IFNGR2: variants seen among roughly 807,000 people sequenced by gnomAD.
IFNGR2 encodes the protein IFN-gamma receptor 2.
IFNGR2 carries 15 observed loss-of-function variants against 41.1 expected under a neutral mutation model. The ratio of observed to expected loss-of-function variants is 0.37; its 90% CI spans 0.24 to 0.56. The LOEUF (loss-of-function observed/expected upper bound fraction) is 0.56, where lower values mean the gene tolerates loss of function less well. IFNGR2 is among the 20% of genes least tolerant of loss of function. IFNGR2 has a pLI of 0.81. For missense variants in IFNGR2, 362 were observed against 415.7 expected (o/e 0.87, Z 1.12); for synonymous variants, 161 against 171.6 (o/e 0.94, Z 0.48).
At chr21:33,414,816 T>G (rs2083742382) in intron 1 of IFNGR2, 72 bp from the exon 2 acceptor site, 1 of 1,490,580 alleles carries the variant, frequency 6.7e-7, no homozygotes. Context: ...TAATGGACAT[T>G]GAAACATTTT....
chr21:33,410,810 AC>A, intron 1 of IFNGR2: 1 of 1,470,612 alleles, frequency 6.8e-7, no homozygotes, highest in Non-Finnish European at 9.3e-7. Flanking sequence ...AAAATTCATA[AC>A]TCATAATCTA....
chr21:33,437,103 G>C lies in IFNGR2; in HGVS notation c.*141G>C, dbSNP rs1039416398. 1.9e-5 allele frequency: 14 copies of C among 737,506 alleles called. No homozygotes were observed. Among genetic ancestry groups the C allele is most frequent in the Non-Finnish European group, 3.2e-5 (14 of 437,530 alleles). 45.7% of individuals were successfully genotyped at this position (737,506 alleles called of 1,614,324 possible). A position where few individuals can be genotyped will look rare whatever the true frequency, so the allele number is the denominator to read the frequency against. On this transcript the variant is annotated 3_prime_UTR_variant, in exon 7 of 7. Transcript: ENST00000290219. ...CCTGTCCCTGCAGACATGAGAGACA[G>C]CAGGTCTCATGGGGGTGACAAGCTT...
intron 3 of IFNGR2, among the ~76,000 whole-genome samples, chr21:33,422,335 C>T (rs368204713): frequency 2.2e-4 from 34 of 152,210 alleles, no homozygotes; most frequent in Middle Eastern, 3.4e-3. Context: ...ATGTTTCTTC[C>T]GTGTCTGGTT....
rs121913220 is a variant in IFNGR2 at position 33,436,932 on chromosome 21, G to A, written c.984G>A (p.Lys328=). ...DSVSIISFPE[K]EQEDVLQTL Reference sequence around the variant, plus strand: ...TGTCCATTATCTCGTTTCCGGAAAAGGAGCAAGAAGATGTTCTCCAAACGC... The same window carrying A: ...TGTCCATTATCTCGTTTCCGGAAAAAGAGCAAGAAGATGTTCTCCAAACGC... Residue 328 remains lysine, a synonymous_variant, in exon 7 of 7, where the codon AAG becomes AAA. Coordinates refer to ENST00000290219, the MANE Select transcript of IFNGR2 (RefSeq NM_005534.4). 2.1e-4 allele frequency: 337 copies of A among 1,613,990 alleles called. No individual in the cohort carries two copies. The African/African-American group carries it at 4.3e-3, about 21-fold the overall frequency.
At chr21:33,419,695 G>A (rs1181584987) in intron 2 of IFNGR2, among the ~76,000 whole-genome samples, 9 of 152,168 alleles carry the variant, frequency 5.9e-5, no homozygotes, top group Admixed American at 5.2e-4. Context: ...TCATGACCTC[G>A]TACATGAATC....
At chr21:33,405,035 C>T (rs1430069917) in intron 1 of IFNGR2, among the ~76,000 whole-genome samples, 1 of 149,452 alleles carries the variant, frequency 6.7e-6, no homozygotes, top group African/African-American at 2.5e-5. Context: ...GGGAGAATCA[C>T]TTGAACCCGA....
At chr21:33,426,571 G>A (rs1179062529) in intron 3 of IFNGR2, among the ~76,000 whole-genome samples, 1 of 151,006 alleles carries the variant, frequency 6.6e-6, no homozygotes, top group Non-Finnish European at 1.5e-5. Context: ...ATAAAAATTA[G>A]CCAGGCATGG....
intron 1 of IFNGR2, among the ~76,000 whole-genome samples, chr21:33,410,166 AT>A (rs373991238): frequency 0.24 from 33,250 of 136,982 alleles, 3,733 homozygotes; most frequent in East Asian, 0.62. Context: ...AATTACAATA[AT>A]TTTTTTTTTT....
chr21:33,428,807 ACCGTGTTGCCATGCT>A (rs1167460302), intron 4 of IFNGR2, among the ~76,000 whole-genome samples: 1 of 152,148 alleles, frequency 6.6e-6, no homozygotes, highest in African/African-American at 2.4e-5. Context: ...ACTCGAGGGC[ACCGTGTTGCCATGCT>A]CCCTCCCCAA....
At chr21:33,410,940 C>A in intron 1 of IFNGR2, 1 of 1,209,314 alleles carries the variant, frequency 8.3e-7, no homozygotes, top group Non-Finnish European at 1.2e-6. Flanking sequence ...CTGCATCTCA[C>A]AACCACTGCT....
At chr21:33,412,747 G>A (rs1211424502) in intron 1 of IFNGR2, among the ~76,000 whole-genome samples, 2 of 152,134 alleles carry the variant, frequency 1.3e-5, no homozygotes, top group Non-Finnish European at 1.5e-5. Flanking sequence ...GTAGAGACAG[G>A]GTTTCACCAT....
intron 4 of IFNGR2, among the ~76,000 whole-genome samples, chr21:33,428,455 T>C (rs1225322954): frequency 6.6e-6 from 1 of 152,036 alleles, no homozygotes; most frequent in African/African-American, 2.4e-5. Context: ...CTCGAACTCC[T>C]GGTCTCAAGC....
intron 2 of IFNGR2, among the ~76,000 whole-genome samples, chr21:33,416,204 C>CA (rs1325097272): frequency 4.0e-5 from 6 of 151,278 alleles, no homozygotes; most frequent in East Asian, 3.9e-4. Context: ...AACCCCCCAT[C>CA]AAAAAAAAGA....
intron 1 of IFNGR2, among the ~76,000 whole-genome samples, chr21:33,407,577 G>A (rs1479014889): frequency 6.6e-6 from 1 of 152,138 alleles, no homozygotes; most frequent in African/African-American, 2.4e-5. Context: ...AATAATCTAG[G>A]TCAATAACTT....
chr21:33,410,472 ATT>A (rs879654908), intron 1 of IFNGR2, among the ~76,000 whole-genome samples: 2 of 110,678 alleles, frequency 1.8e-5, no homozygotes. Flanking sequence ...GCCTACAACA[ATT>A]TTTTTTTTTT....
intron 2 of IFNGR2, among the ~76,000 whole-genome samples, chr21:33,419,708 A>G (rs1187209716): frequency 1.3e-5 from 2 of 152,128 alleles, no homozygotes; most frequent in African/African-American, 4.8e-5. Flanking sequence ...CATGAATCAT[A>G]TCTGGTTATT....
rs528778359 is a variant in IFNGR2 at position 33,407,036 on chromosome 21, A to G, written c.73+3420A>G. On this transcript the variant is annotated intron_variant, in intron 1 of 6. Coordinates refer to ENST00000290219, the MANE Select transcript of IFNGR2 (RefSeq NM_005534.4). ...ATATGTAAAATATGGGACCTGTGGC[A>G]ATTTGTAGCCATGAGCTGTTAAGTA... is the stretch of plus-strand genomic sequence containing the variant. Among the ~76,000 whole-genome samples the G allele has an allele frequency of 7.5e-4, 114 of 152,246 alleles. 3 individuals are homozygous for G. In the South Asian group the frequency reaches 0.023, roughly 31 times the overall value.
chr21:33,415,239 C>G (rs1278385940), intron 2 of IFNGR2, among the ~76,000 whole-genome samples: 1 of 152,228 alleles, frequency 6.6e-6, no homozygotes, highest in Non-Finnish European at 1.5e-5. Flanking sequence ...ACTCCGCTGT[C>G]TAACCACACG....
At position 33,436,757 on chromosome 21, in the gene IFNGR2, A is replaced by AT. The variant is rs2083957871; in HGVS notation, c.880-71_880-70insT. 4.0e-6 allele frequency: 5 copies of AT among 1,250,088 alleles called. No individual in the cohort carries two copies. In the South Asian group the frequency reaches 6.9e-5, roughly 17 times the overall value. 77.4% of individuals were successfully genotyped at this position (1,250,088 alleles called of 1,614,324 possible). A position where few individuals can be genotyped will look rare whatever the true frequency, so the allele number is the denominator to read the frequency against. On this transcript the variant is annotated intron_variant, in intron 6 of 6. Coordinates refer to ENST00000290219, the MANE Select transcript of IFNGR2 (RefSeq NM_005534.4). Reference sequence around the variant, plus strand: ...AAAATAAAAATAAAATAAAAACAAAAACTAAAGTTAAAAGGTCTGGTATAC... The same window carrying AT: ...AAAATAAAAATAAAATAAAAACAAAATACTAAAGTTAAAAGGTCTGGTATAC...
Sources: gnomAD v4.1 joint callset for allele counts (sites outside exome capture counted in the v4.1 genomes callset) on GRCh38, gnomAD v4.1.1 for gene constraint, MANE v1.5 for transcripts, NCBI Gene and HGNC (gene_info 2026-07-23, HGNC 2026-07-21) for gene names.